RIN3: variants seen among roughly 807,000 people sequenced by gnomAD.
The protein encoded by RIN3 is RAB5 interacting protein 3.
A neutral mutation model predicts 76.3 loss-of-function variants in RIN3; 54 were observed. That is an observed-to-expected ratio of 0.71 (90% CI 0.57 to 0.89). The LOEUF (loss-of-function observed/expected upper bound fraction) is 0.89, where lower values mean the gene tolerates loss of function less well. RIN3 is among the 40% of genes least tolerant of loss of function. The probability of loss-of-function intolerance (pLI) is 0.00; values close to 1 mark genes in which losing one functional copy is unlikely to be tolerated. For missense variants in RIN3, 1,256 were observed against 1,322.1 expected (o/e 0.95, Z 0.78); for synonymous variants, 576 against 564.0 (o/e 1.02, Z -0.30).
chr14:92,685,014 G>A lies in RIN3; in HGVS notation c.2495G>A (p.Gly832Glu). Residue 832 changes from glycine (G) to glutamate (E), a missense_variant, in exon 9 of 10, where the codon GGG becomes GAG. Transcript: ENST00000216487. This position sits in a 1 kb window ranked among gnomAD's most constrained non-coding sequence, Gnocchi z 4.7. ...EGSYYLTTTY[G>E]ALEHIKSYDK... ...TCCTACTATCTGACCACCACCTACG[G>A]GGCCCTGGAGCACATCAAGAGCTAC... 2 of 1,613,714 alleles carry A rather than the reference G, an allele frequency of 1.2e-6. No homozygotes were observed. The highest frequency in any genetic ancestry group is 1.7e-6 in the Non-Finnish European group (2 of 1,179,712).
chr14:92,667,886 A>C (rs1383038899), intron 7 of RIN3, among the ~76,000 whole-genome samples: 1 of 102,204 alleles, frequency 9.8e-6, no homozygotes, highest in Non-Finnish European at 2.0e-5. Context: ...GGGCATCTGA[A>C]AGAGAGCTAA....
chr14:92,681,240 C>T lies in RIN3; in HGVS notation c.2468-3747C>T, dbSNP rs1888651080. Among the ~76,000 whole-genome samples, 1 of 152,170 alleles carries T rather than the reference C, an allele frequency of 6.6e-6. No individual in the cohort carries two copies. ...TGCTCCAGAACTCACGGTAGGGCCG[C>T]CTGCCACCTAGTGGCCCTGGCAGGC... On this transcript the variant is annotated intron_variant, in intron 8 of 9. Transcript: ENST00000216487. This position sits in a 1 kb window ranked among gnomAD's most constrained non-coding sequence, Gnocchi z 4.7.
At chr14:92,610,765 A>G (rs1389547728) in intron 3 of RIN3, among the ~76,000 whole-genome samples, 2 of 152,190 alleles carry the variant, frequency 1.3e-5, no homozygotes, top group African/African-American at 4.8e-5. Context: ...AACAGGAGAT[A>G]GGGAAGAAAA....
rs1566891921 is a variant in RIN3 at position 92,659,264 on chromosome 14, G to A, written c.2130G>A (p.Gln710=). The stretch of plus-strand genomic sequence containing the variant: ...TCCACAGCAAGGATGGTTCGCTGCA[G>A]CAGCTCAAGGAGAACCAGTTAGTGA... The part of the protein sequence containing the change: ...HQIHSKDGSL[Q]QLKENQLVIL... Residue 710 remains glutamine, a synonymous_variant, in exon 7 of 10, where the codon CAG becomes CAA. Transcript: ENST00000216487. The A allele has an allele frequency of 3.7e-6, 6 of 1,614,194 alleles. No individual in the cohort carries two copies. The highest frequency in any genetic ancestry group is 1.1e-5 in the South Asian group (1 of 91,084).
rs1465671158 is a variant in RIN3 at position 92,514,507 on chromosome 14, G to A, written c.44+531G>A. Among the ~76,000 whole-genome samples the A allele has an allele frequency of 6.6e-6, 1 of 152,238 alleles. No individual in the cohort carries two copies. Among genetic ancestry groups the A allele is most frequent in the East Asian group, 1.9e-4 (1 of 5,186 alleles). ...AACAGCTGACCGGCCCTCCTGGACC[G>A]AGGGTCCACTGGGCCCTTTTCCCGC... On this transcript the variant is annotated intron_variant, in intron 1 of 9. Transcript: ENST00000216487. The surrounding 1 kb of genome is among the most constrained non-coding windows in gnomAD (Gnocchi z 7.2).
rs530635596 is a variant in RIN3 at position 92,623,224 on chromosome 14, T to G, written c.440+7745T>G. On this transcript the variant is annotated intron_variant, in intron 4 of 9. Transcript: ENST00000216487. The surrounding 1 kb of genome is among the most constrained non-coding windows in gnomAD (Gnocchi z 4.9). ...TAAGACCTTGTAAAGCTTTTGTAAT[T>G]GTTCCATCAGGAGCTGTATTGTTGG... Among the ~76,000 whole-genome samples, 1 of 152,346 alleles carries G rather than the reference T, an allele frequency of 6.6e-6. No individual in the cohort carries two copies. Among genetic ancestry groups the G allele is most frequent in the African/African-American group, 2.4e-5 (1 of 41,590 alleles).
At chr14:92,642,114 T>TC (rs1566881949) in intron 5 of RIN3, among the ~76,000 whole-genome samples, 2 of 151,962 alleles carry the variant, frequency 1.3e-5, no homozygotes, top group African/African-American at 4.8e-5. Context: ...TTTCTTTCTT[T>TC]TTTTTTTGAA....
At position 92,651,873 on chromosome 14, in the gene RIN3, G is replaced by A; in HGVS notation, c.824G>A (p.Trp275Ter). Residue 275 changes from tryptophan (W) to a stop codon, truncating the protein, a stop_gained, in exon 6 of 10, where the codon TGG (tryptophan) becomes TAG (stop). Coordinates refer to ENST00000216487, the MANE Select transcript of RIN3 (RefSeq NM_024832.5). LOFTEE classifies it high-confidence loss of function. ...GATGCCACCTCACCCACCTCCAGGT[G>A]GGCCCCACGCCGCCCACCACCCCCT... ...TSDATSPTSR[W>*]APRRPPPPPP... 1 of 1,606,420 alleles carries A rather than the reference G, an allele frequency of 6.2e-7. No homozygotes were observed. The highest frequency in any genetic ancestry group is 8.5e-7 in the Non-Finnish European group (1 of 1,176,080).
intron 3 of RIN3, among the ~76,000 whole-genome samples, chr14:92,603,642 G>A (rs113163055): frequency 9.8e-5 from 15 of 152,318 alleles, no homozygotes; most frequent in East Asian, 1.9e-4. Context: ...GCCGTGTTGC[G>A]GTCCTTACAT....
intron 2 of RIN3, among the ~76,000 whole-genome samples, chr14:92,556,469 T>C (rs1897586093): frequency 1.3e-5 from 2 of 152,170 alleles, no homozygotes; most frequent in South Asian, 4.1e-4. Flanking sequence ...AGCCTCACTT[T>C]TGTTGCTTTG....
chr14:92,567,400 G>T (rs1267711487), intron 2 of RIN3, among the ~76,000 whole-genome samples: 3 of 152,182 alleles, frequency 2.0e-5, no homozygotes, highest in African/African-American at 7.2e-5. Flanking sequence ...CTTTTCTGGG[G>T]TCAGTCATGC....
At chr14:92,658,580 C>T (rs925328781) in intron 6 of RIN3, among the ~76,000 whole-genome samples, 1 of 152,176 alleles carries the variant, frequency 6.6e-6, no homozygotes, top group African/African-American at 2.4e-5. Context: ...TGACAAGAGA[C>T]TATAAGGGCC....
chr14:92,640,040 CTG>C (rs1312791482), intron 4 of RIN3, among the ~76,000 whole-genome samples: 6 of 132,322 alleles, frequency 4.5e-5, no homozygotes, highest in Admixed American at 8.2e-5. Flanking sequence ...GGCTGCCTGA[CTG>C]TGTGTTCGTC....
At chr14:92,659,064 C>T (rs1887777471) in intron 6 of RIN3, 97 bp from the exon 7 acceptor site, 1 of 1,162,666 alleles carries the variant, frequency 8.6e-7, no homozygotes, top group East Asian at 2.3e-5. Context: ...CTTCCAGGGG[C>T]CAGGGGATGG....
At chr14:92,566,060 G>A (rs1897907535) in intron 2 of RIN3, among the ~76,000 whole-genome samples, 1 of 152,214 alleles carries the variant, frequency 6.6e-6, no homozygotes, top group Non-Finnish European at 1.5e-5. Flanking sequence ...CCTTTTCAAT[G>A]ATCCTTTGAG....
intron 4 of RIN3, among the ~76,000 whole-genome samples, chr14:92,634,081 T>C (rs1367940435): frequency 6.8e-6 from 1 of 148,118 alleles, no homozygotes; most frequent in Non-Finnish European, 1.5e-5. Flanking sequence ...TTTTTTTTTT[T>C]TTTTTTTTTT....
At chr14:92,548,626 T>C (rs72697240) in intron 1 of RIN3, among the ~76,000 whole-genome samples, 17,531 of 152,020 alleles carry the variant, frequency 0.12, 1,064 homozygotes, top group East Asian at 0.21. Context: ...CTCCTTGGCT[T>C]GGGGCATCAT....
At chr14:92,534,600 CAAAA>C (rs58887721) in intron 1 of RIN3, among the ~76,000 whole-genome samples, 10 of 134,378 alleles carry the variant, frequency 7.4e-5, no homozygotes, top group African/African-American at 2.3e-4. Flanking sequence ...AAAAAAAAAA[CAAAA>C]AGAAAGAAAG....
intron 3 of RIN3, among the ~76,000 whole-genome samples, chr14:92,585,512 C>T (rs1884738875): frequency 6.6e-6 from 1 of 152,188 alleles, no homozygotes; most frequent in Admixed American, 6.5e-5. Context: ...ACATGGGCTC[C>T]CTTCCCAGGG....
Sources: gnomAD v4.1 joint callset for allele counts (sites outside exome capture counted in the v4.1 genomes callset) on GRCh38, gnomAD v4.1.1 for gene constraint, Gnocchi (gnomAD v3.1) non-coding constraint, MANE v1.5 for transcripts, NCBI Gene and HGNC (gene_info 2026-07-23, HGNC 2026-07-21) for gene names.